LHFPL6: variants seen among roughly 807,000 people sequenced by gnomAD.
The protein encoded by LHFPL6 is LHFPL tetraspan subfamily member 6.
A neutral mutation model predicts 20.6 loss-of-function variants in LHFPL6; 9 were observed. That is an observed-to-expected ratio of 0.44 (90% CI 0.26 to 0.76). LHFPL6 has a LOEUF of 0.76. LHFPL6 is among the 30% of genes least tolerant of loss of function. LHFPL6 has a pLI of 0.20. For missense variants in LHFPL6, 218 were observed against 253.5 expected (o/e 0.86, Z 0.95); for synonymous variants, 105 against 98.7 (o/e 1.06, Z -0.38).
intron 2 of LHFPL6, among the ~76,000 whole-genome samples, chr13:39,421,104 C>CAA (rs35794100): frequency 0.11 from 16,172 of 151,852 alleles, 1,112 homozygotes; most frequent in East Asian, 0.36. Flanking sequence ...ACAACAACAA[C>CAA]AAAAAAAACT....
At chr13:39,452,004 C>CTGAA (rs1872459317) in intron 2 of LHFPL6, among the ~76,000 whole-genome samples, 2 of 151,876 alleles carry the variant, frequency 1.3e-5, no homozygotes, top group South Asian at 4.1e-4. Context: ...GGGCCATGAA[C>CTGAA]TGAATGAATA....
At chr13:39,538,868 AATG>A (rs1870707208) in intron 2 of LHFPL6, among the ~76,000 whole-genome samples, 2 of 152,218 alleles carry the variant, frequency 1.3e-5, no homozygotes, top group Non-Finnish European at 2.9e-5. Context: ...CTTAATATAA[AATG>A]TGATTTATTC....
At chr13:39,400,642 G>A (rs1339163848) in intron 2 of LHFPL6, among the ~76,000 whole-genome samples, 2 of 150,458 alleles carry the variant, frequency 1.3e-5, no homozygotes, top group Non-Finnish European at 3.0e-5. Flanking sequence ...AATTAGCCGG[G>A]CGTAGTGGCG....
intron 2 of LHFPL6, among the ~76,000 whole-genome samples, chr13:39,393,799 C>A (rs1870770582): frequency 6.6e-6 from 1 of 152,142 alleles, no homozygotes; most frequent in South Asian, 2.1e-4. Context: ...ACTCAGAAGG[C>A]CTAGATCAAG....
intron 2 of LHFPL6, among the ~76,000 whole-genome samples, chr13:39,385,009 G>T (rs1024745248): frequency 6.6e-6 from 1 of 152,200 alleles, no homozygotes. Flanking sequence ...AAGCTCATTT[G>T]CAATTAAGAA....
At chr13:39,595,035 T>G (rs566879345) in intron 2 of LHFPL6, among the ~76,000 whole-genome samples, 3 of 152,038 alleles carry the variant, frequency 2.0e-5, no homozygotes, top group Non-Finnish European at 4.4e-5. Flanking sequence ...AGTTAATGGG[T>G]GCAGCACACC....
At chr13:39,550,751 A>G (rs772171537) in intron 2 of LHFPL6, among the ~76,000 whole-genome samples, 4 of 152,182 alleles carry the variant, frequency 2.6e-5, no homozygotes, top group Non-Finnish European at 4.4e-5. Flanking sequence ...ACATACGCTT[A>G]TTATTAAGTT....
intron 2 of LHFPL6, among the ~76,000 whole-genome samples, chr13:39,410,095 T>C (rs546706161): frequency 2.0e-5 from 3 of 152,360 alleles, no homozygotes; most frequent in South Asian, 4.1e-4. Context: ...AAATCATGTG[T>C]TAAAATTGTC....
chr13:39,357,704 A>G (rs991099700), intron 3 of LHFPL6, among the ~76,000 whole-genome samples: 1 of 152,202 alleles, frequency 6.6e-6, no homozygotes, highest in African/African-American at 2.4e-5. Flanking sequence ...TACACCAATC[A>G]TATTCAAGTT....
intron 3 of LHFPL6, among the ~76,000 whole-genome samples, chr13:39,359,025 C>T (rs749801200): frequency 2.0e-4 from 30 of 150,886 alleles, no homozygotes; most frequent in Non-Finnish European, 2.1e-4. Flanking sequence ...ACAAAATCAG[C>T]AGGGCGGGCG....
chr13:39,355,645 T>C (rs1307722195), intron 3 of LHFPL6, among the ~76,000 whole-genome samples: 1 of 152,124 alleles, frequency 6.6e-6, no homozygotes, highest in Non-Finnish European at 1.5e-5. Context: ...GAGACCCATC[T>C]CACATGTAAT....
intron 2 of LHFPL6, among the ~76,000 whole-genome samples, chr13:39,466,496 G>C (rs1358676119): frequency 6.6e-6 from 1 of 152,184 alleles, no homozygotes; most frequent in Non-Finnish European, 1.5e-5. Flanking sequence ...CACCTTAAGA[G>C]TATGGCTACT....
intron 3 of LHFPL6, among the ~76,000 whole-genome samples, chr13:39,376,824 T>C (rs1213009852): frequency 6.6e-6 from 1 of 152,158 alleles, no homozygotes; most frequent in African/African-American, 2.4e-5. Context: ...TCCATCCATA[T>C]AGTAGGGGAA....
chr13:39,602,504 G>A (rs1474689756), intron 1 of LHFPL6, among the ~76,000 whole-genome samples: 1 of 152,142 alleles, frequency 6.6e-6, no homozygotes, highest in African/African-American at 2.4e-5. Context: ...CCAGCAGGGG[G>A]TGGCCTGCGG....
chr13:39,571,459 A>G (rs1566144608), intron 2 of LHFPL6, among the ~76,000 whole-genome samples: 2 of 152,232 alleles, frequency 1.3e-5, no homozygotes, highest in South Asian at 4.1e-4. Flanking sequence ...ACCTGACTTC[A>G]GGGAGGTGAC....
At position 39,422,068 on chromosome 13, in the gene LHFPL6, GC is replaced by G. The variant is rs771490002; in HGVS notation, c.386-43543del. On this transcript the variant is annotated intron_variant, in intron 2 of 3. Transcript: ENST00000379589. Reference sequence around the variant, plus strand: ...TCTTCAGGAGATGATCATATCTCATGCCCTTTTTAGCAGATTTTGTTATTTC... The same window carrying G: ...TCTTCAGGAGATGATCATATCTCATGCCTTTTTAGCAGATTTTGTTATTTC... 8.3e-4 allele frequency among the ~76,000 whole-genome samples: 126 copies of G among 152,234 alleles called. No homozygotes were observed. The Middle Eastern group carries it at 0.02, about 25-fold the overall frequency.
chr13:39,541,947 C>T (rs1046959885), intron 2 of LHFPL6, among the ~76,000 whole-genome samples: 7 of 151,578 alleles, frequency 4.6e-5, no homozygotes, highest in Non-Finnish European at 8.8e-5. Flanking sequence ...AAAAATTAGC[C>T]AGGCATGGTG....
intron 2 of LHFPL6, among the ~76,000 whole-genome samples, chr13:39,572,704 G>A (rs983719332): frequency 2.0e-5 from 3 of 151,860 alleles, no homozygotes; most frequent in South Asian, 2.1e-4. Context: ...TCCTTTAATC[G>A]TCACCTTCCA....
intron 2 of LHFPL6, among the ~76,000 whole-genome samples, chr13:39,554,698 AC>A (rs1406432448): frequency 6.6e-6 from 1 of 152,160 alleles, no homozygotes; most frequent in Non-Finnish European, 1.5e-5. Flanking sequence ...ACTACTGACA[AC>A]TTTCTGACTG....
Sources: gnomAD v4.1 joint callset for allele counts (sites outside exome capture counted in the v4.1 genomes callset) on GRCh38, gnomAD v4.1.1 for gene constraint, MANE v1.5 for transcripts, NCBI Gene and HGNC (gene_info 2026-07-23, HGNC 2026-07-21) for gene names.